GRM5: variants seen among roughly 807,000 people sequenced by gnomAD.
GRM5 encodes the protein glutamate metabotropic receptor 5, also known as metabotropic glutamate receptor 5.
Under a neutral mutation model 83.1 loss-of-function variants are expected in GRM5, and 19 were observed. That is an observed-to-expected ratio of 0.23 (90% CI 0.16 to 0.34). GRM5 has a LOEUF of 0.34. Ranked by LOEUF, GRM5 falls within the 10% of genes least tolerant of loss-of-function variation. The pLI, the probability that GRM5 is intolerant of heterozygous loss-of-function variation, is 1.00. For missense variants in GRM5, 1,160 were observed against 1,588.3 expected, an observed-to-expected ratio of 0.73 and a Z score of 4.58; for synonymous variants, 675 against 633.6, an observed-to-expected ratio of 1.07 and a Z score of -0.98.
chr11:88,593,601 C>G (rs1193275732), intron 6 of GRM5, among the ~76,000 whole-genome samples: 5 of 151,242 alleles, frequency 3.3e-5, no homozygotes, highest in African/African-American at 1.2e-4. Context: ...TCACCTGAAC[C>G]CGGGAGGCGG....
chr11:88,747,101 C>A (rs1436348582), intron 3 of GRM5, among the ~76,000 whole-genome samples: 1 of 152,156 alleles, frequency 6.6e-6, no homozygotes, highest in Non-Finnish European at 1.5e-5. Flanking sequence ...AGATAATATT[C>A]CATTTCTAAC....
intron 2 of GRM5, among the ~76,000 whole-genome samples, chr11:88,897,356 C>T (rs778438030): frequency 6.6e-6 from 1 of 151,838 alleles, no homozygotes; most frequent in African/African-American, 2.4e-5. Flanking sequence ...CCAATATTTC[C>T]CCTCCTGGGC....
At chr11:88,780,360 C>T (rs1942950492) in intron 3 of GRM5, among the ~76,000 whole-genome samples, 1 of 152,028 alleles carries the variant, frequency 6.6e-6, no homozygotes, top group Non-Finnish European at 1.5e-5. Flanking sequence ...TTTCTAACTC[C>T]CATTATAGAT....
intron 9 of GRM5, among the ~76,000 whole-genome samples, chr11:88,524,853 T>G (rs892446332): frequency 1.3e-5 from 2 of 152,240 alleles, no homozygotes; most frequent in Admixed American, 1.3e-4. Context: ...TAAGGTATAT[T>G]AATTTCCAGG....
chr11:88,666,575 G>A (rs909724328), intron 3 of GRM5, among the ~76,000 whole-genome samples: 25 of 152,276 alleles, frequency 1.6e-4, no homozygotes, highest in African/African-American at 5.8e-4. Context: ...AACATCACAG[G>A]GGGGATCAAA....
At chr11:88,524,386 T>G (rs1234597292) in intron 9 of GRM5, among the ~76,000 whole-genome samples, 1 of 152,032 alleles carries the variant, frequency 6.6e-6, no homozygotes, top group Non-Finnish European at 1.5e-5. Context: ...CCCGGCTAAT[T>G]TTTGTGTTTT....
chr11:88,946,236 G>C (rs766536109), intron 2 of GRM5, among the ~76,000 whole-genome samples: 1 of 152,066 alleles, frequency 6.6e-6, no homozygotes, highest in African/African-American at 2.4e-5. Flanking sequence ...AAAAGCAAAA[G>C]ATGCTGGCAA....
rs56115415 is a variant in GRM5, at chr11:88,597,176, C to T, written c.1563+8G>A. On this transcript the variant is annotated splice_region_variant and intron_variant, in intron 6 of 9. Transcript: ENST00000305447. ...ACAAAAATGAAAGAAACATAGATTC[C>T]ATTTTACCTTGATCTGGCCTTTCTC... The T allele has an allele frequency of 5.0e-3, 7,575 of 1,510,038 alleles. 152 individuals are homozygous for T. The East Asian group carries it at 0.062, about 12-fold the overall frequency. The allele number at this position is 1,510,038 out of a possible 1,614,324, so 93.5% of individuals were successfully genotyped here. A position where few individuals can be genotyped will look rare whatever the true frequency, so the allele number is the denominator to read the frequency against.
chr11:88,826,712 C>A (rs141524718), intron 3 of GRM5, among the ~76,000 whole-genome samples: 6 of 152,170 alleles, frequency 3.9e-5, no homozygotes, highest in Non-Finnish European at 7.4e-5. Context: ...GGAATTAGTA[C>A]TGTTATGGTT....
chr11:88,992,060 A>G (rs539244255), intron 2 of GRM5, among the ~76,000 whole-genome samples: 1 of 152,292 alleles, frequency 6.6e-6, no homozygotes, highest in East Asian at 1.9e-4. Flanking sequence ...AGAAACTACC[A>G]TCAGAGTGAA....
At chr11:88,554,448 C>G (rs1942580118) in intron 8 of GRM5, among the ~76,000 whole-genome samples, 1 of 152,158 alleles carries the variant, frequency 6.6e-6, no homozygotes, top group Non-Finnish European at 1.5e-5. Flanking sequence ...GGGCCATCAT[C>G]TGGCTACTAA....
At chr11:88,525,561 G>A (rs1265818248) in intron 8 of GRM5, among the ~76,000 whole-genome samples, 157 bp from the exon 9 acceptor site, 4 of 152,174 alleles carry the variant, frequency 2.6e-5, no homozygotes, top group Non-Finnish European at 5.9e-5. Context: ...ATACTTATTA[G>A]ATGAATGTGA....
At chr11:88,825,646 T>C (rs1371202944) in intron 3 of GRM5, among the ~76,000 whole-genome samples, 1 of 152,188 alleles carries the variant, frequency 6.6e-6, no homozygotes, top group Non-Finnish European at 1.5e-5. Context: ...ATGTTTTAAA[T>C]ATGAATAAAT....
chr11:88,723,878 T>G (rs1941608769), intron 3 of GRM5, among the ~76,000 whole-genome samples: 1 of 152,164 alleles, frequency 6.6e-6, no homozygotes, highest in African/African-American at 2.4e-5. Flanking sequence ...TTCTTAAATC[T>G]TGTTTCATTT....
chr11:88,843,546 C>T (rs1373839578), intron 3 of GRM5, among the ~76,000 whole-genome samples: 2 of 152,120 alleles, frequency 1.3e-5, no homozygotes, highest in African/African-American at 2.4e-5. Flanking sequence ...CTCCTCAGGC[C>T]TCCCTAACCC....
Position 88,888,956 on chromosome 11 carries a change from C to T in GRM5, c.662-38801G>A, listed in dbSNP as rs114533941. On this transcript the variant is annotated intron_variant, in intron 2 of 9. Coordinates refer to ENST00000305447, the MANE Select transcript of GRM5 (RefSeq NM_001143831.3). Reference sequence around the variant, plus strand: ...GGGAACATGACCTGTAACCATGTGGCGAATAATTTGTTTTAGTCTCCACCA... The same window carrying T: ...GGGAACATGACCTGTAACCATGTGGTGAATAATTTGTTTTAGTCTCCACCA... 2.9e-3 allele frequency among the ~76,000 whole-genome samples: 435 copies of T among 152,188 alleles called. 1 individual carries two copies. Among genetic ancestry groups the T allele is most frequent in the African/African-American group, 9.8e-3 (406 of 41,530 alleles).
rs983803643 is a variant in GRM5, at chr11:88,567,208, G to A, written c.2475C>T (p.Ile825=). 4.3e-6 allele frequency: 7 copies of A among 1,613,998 alleles called. No individual in the cohort carries two copies. Among genetic ancestry groups the A allele is most frequent in the African/African-American group, 1.3e-5 (1 of 74,916 alleles). Residue 825 remains isoleucine (I), a synonymous_variant, in exon 8 of 10, where the codon ATC becomes ATT. Transcript: ENST00000305447. This position sits in a 1 kb window ranked among gnomAD's most constrained non-coding sequence, Gnocchi z 7.3. The stretch of plus-strand genomic sequence containing the variant: ...GCACGTTTCTCTCTGGTTTGGCCAG[G>A]ATGATGTACACCTTCGGCACAAACA... ...GCMFVPKVYI[I]LAKPERNVRS...
intron 2 of GRM5, among the ~76,000 whole-genome samples, chr11:89,038,147 C>T (rs1475955652): frequency 1.7e-5 from 2 of 115,304 alleles, no homozygotes; most frequent in African/African-American, 9.5e-5. Flanking sequence ...TCTTTAGAAT[C>T]TCATTGTGTG....
chr11:88,829,335 C>T (rs1355366106), intron 3 of GRM5, among the ~76,000 whole-genome samples: 1 of 152,040 alleles, frequency 6.6e-6, no homozygotes, highest in Non-Finnish European at 1.5e-5. Flanking sequence ...GAAGCACATG[C>T]CTATAATCCC....
Sources: gnomAD v4.1 joint callset for allele counts (sites outside exome capture counted in the v4.1 genomes callset) on GRCh38, gnomAD v4.1.1 for gene constraint, Gnocchi (gnomAD v3.1) non-coding constraint, MANE v1.5 for transcripts, NCBI Gene and HGNC (gene_info 2026-07-23, HGNC 2026-07-21) for gene names.